MRTFB: variants seen among roughly 807,000 people sequenced by gnomAD.
The protein encoded by MRTFB is myocardin related transcription factor B, also known as myocardin-related transcription factor B.
Under a neutral mutation model 104.2 loss-of-function variants are expected in MRTFB, and 29 were observed. The observed-to-expected ratio is 0.28, with a 90% CI of 0.21 to 0.38. The LOEUF (loss-of-function observed/expected upper bound fraction) is 0.38. Among genes scored for constraint, MRTFB ranks in the 10% least tolerant of loss-of-function variants. MRTFB has a pLI of 1.00. For synonymous variants in MRTFB, 535 were observed against 519.5 expected (o/e 1.03, Z -0.41); for missense variants, 1,270 against 1,341.6 (o/e 0.95, Z 0.83).
At chr16:14,064,973 A>C in the MRTFB span, among the ~76,000 whole-genome samples, 3 of 152,248 alleles carry the variant, frequency 2.0e-5, no homozygotes, top group East Asian at 5.8e-4. Context: ...ATTTTAGAAT[A>C]GTTTTTTCTA....
chr16:14,203,867 CAT>C (rs1491361914), intron 3 of MRTFB, among the ~76,000 whole-genome samples: 1 of 140,636 alleles, frequency 7.1e-6, no homozygotes, highest in Non-Finnish European at 1.5e-5. Flanking sequence ...AGAGGAAAGA[CAT>C]ATCTTGGTTC....
At chr16:14,219,535 G>C (rs190594549) in intron 8 of MRTFB, among the ~76,000 whole-genome samples, 158 of 152,330 alleles carry the variant, frequency 1.0e-3, no homozygotes, top group Non-Finnish European at 1.4e-3. Context: ...CAAGTCAGCA[G>C]AAAATGTTCT....
chr16:14,156,818 CTG>C (rs1237802096), intron 3 of MRTFB, among the ~76,000 whole-genome samples: 3 of 152,090 alleles, frequency 2.0e-5, no homozygotes, highest in Admixed American at 2.0e-4. Context: ...CAACTAAAGA[CTG>C]TATTTTCCTT....
rs2041553640 is a variant in MRTFB, at chr16:14,218,895, C to T, written c.590C>T (p.Pro197Leu). 5 of 1,613,868 alleles carry T rather than the reference C, an allele frequency of 3.1e-6. No homozygotes were observed. Among genetic ancestry groups the T allele is most frequent in the East Asian group, 4.5e-5 (2 of 44,892 alleles). The change falls in exon 8 of 17, where the codon CCG becomes CTG. Residue 197 changes from proline (P) to leucine (L), a missense_variant. By Grantham distance (98) the Pro-to-Leu change is moderately conservative. Around this residue, in one of 3 missense-constraint regions of MRTFB, gnomAD observed 1,144 missense variants for 1,131.5 expected, o/e 1.01. Coordinates refer to ENST00000571589, the MANE Select transcript of MRTFB (RefSeq NM_001308142.2). ...FDEDSSDALSPDQPASQESQG... is the reference protein window; with the variant it reads ...FDEDSSDALSLDQPASQESQG... The stretch of plus-strand genomic sequence containing the variant: ...GAAGACAGCAGTGACGCTTTGTCTC[C>T]GGACCAGCCTGCGAGTCAGGAGTCA...
At chr16:14,061,683 T>C in the MRTFB span, among the ~76,000 whole-genome samples, 2 of 150,838 alleles carry the variant, frequency 1.3e-5, no homozygotes, top group South Asian at 4.2e-4. Context: ...ACTTACCAGA[T>C]GTGTGAGCTA....
chr16:14,217,749 CTTAT>C lies in MRTFB; in HGVS notation c.514+466_514+469del, dbSNP rs376829949. 5.4e-4 allele frequency among the ~76,000 whole-genome samples: 83 copies of C among 152,304 alleles called. 1 individual carries two copies. In the East Asian group the frequency reaches 0.013, roughly 25 times the overall value. ...TATTGAAATAATTTTCTAAGTTAAA[CTTAT>C]TTAGTTTAATATTTTTACTAACTTT... On this transcript the variant is annotated intron_variant, in intron 7 of 16. Coordinates refer to ENST00000571589, the MANE Select transcript of MRTFB (RefSeq NM_001308142.2).
intron 2 of MRTFB, among the ~76,000 whole-genome samples, chr16:14,103,861 A>G (rs551019382): frequency 2.6e-5 from 4 of 152,330 alleles, no homozygotes; most frequent in East Asian, 1.9e-4. Context: ...CTGTTTCTCT[A>G]TCTTTACTGT....
intron 8 of MRTFB, among the ~76,000 whole-genome samples, chr16:14,221,885 G>A (rs1251273152): frequency 6.7e-6 from 1 of 148,276 alleles, no homozygotes; most frequent in Non-Finnish European, 1.5e-5. Context: ...GGGTTCAAGC[G>A]ATTCTCCCGC....
rs1438402454 is a variant in MRTFB, at chr16:14,264,545, T to C, written c.*3101T>C. The C allele has an allele frequency of 1.3e-5, 2 of 152,226 alleles. No homozygotes were observed. The highest frequency in any genetic ancestry group is 2.9e-5 in the Non-Finnish European group (2 of 68,042). 9.4% of individuals were successfully genotyped at this position (152,226 alleles called of 1,614,324 possible). On this transcript the variant is annotated 3_prime_UTR_variant, in exon 17 of 17. Transcript: ENST00000571589. ...TAATTGTACATAGATGTATTCTGAA[T>C]TTGTGGAATTTCTTGCTTAGATACT...
intron 3 of MRTFB, among the ~76,000 whole-genome samples, chr16:14,178,044 A>G (rs2039645461): frequency 6.6e-6 from 1 of 152,020 alleles, no homozygotes; most frequent in South Asian, 2.1e-4. Context: ...GAGATTAGAA[A>G]AGAGGAGTGT....
chr16:14,017,078 A>G, the MRTFB span, among the ~76,000 whole-genome samples: 1 of 126,198 alleles, frequency 7.9e-6, no homozygotes, highest in Non-Finnish European at 1.6e-5. Context: ...TTTTTTTGAG[A>G]CGGAGTCTCG....
chr16:14,049,492 G>C, the MRTFB span, among the ~76,000 whole-genome samples: 3 of 152,186 alleles, frequency 2.0e-5, no homozygotes, highest in Admixed American at 6.5e-5. Flanking sequence ...AAAGACTGAG[G>C]AACTGTTCCA....
chr16:14,190,747 G>A (rs955008779), intron 3 of MRTFB, among the ~76,000 whole-genome samples: 1 of 152,228 alleles, frequency 6.6e-6, no homozygotes, highest in African/African-American at 2.4e-5. Flanking sequence ...ACGCAGTCCA[G>A]TGTGGGCAGG....
At chr16:14,071,939 G>C (rs1033839107) in intron 1 of MRTFB, among the ~76,000 whole-genome samples, 1 of 151,676 alleles carries the variant, frequency 6.6e-6, no homozygotes, top group East Asian at 1.9e-4. Context: ...AGTTTTTCCA[G>C]GGCTTTTGTC....
intron 2 of MRTFB, among the ~76,000 whole-genome samples, chr16:14,102,959 G>C (rs1164875480): frequency 2.0e-5 from 3 of 152,174 alleles, no homozygotes; most frequent in South Asian, 2.1e-4. Context: ...TTGGAGTAGA[G>C]AGACCATTTG....
At chr16:14,131,049 C>A (rs1272050759) in intron 2 of MRTFB, among the ~76,000 whole-genome samples, 1 of 152,102 alleles carries the variant, frequency 6.6e-6, no homozygotes, top group African/African-American at 2.4e-5. Context: ...CAAACCATAT[C>A]ATGTGCTATG....
chr16:14,099,105 T>A (rs948298658), intron 2 of MRTFB, among the ~76,000 whole-genome samples: 1 of 152,202 alleles, frequency 6.6e-6, no homozygotes, highest in African/African-American at 2.4e-5. Context: ...TTTCAAGTTA[T>A]ACAAAACAGC....
intron 2 of MRTFB, among the ~76,000 whole-genome samples, chr16:14,110,846 T>G (rs2036234352): frequency 6.6e-6 from 1 of 152,126 alleles, no homozygotes; most frequent in Non-Finnish European, 1.5e-5. Context: ...ATTCCCAGCG[T>G]GAATCCCTCC....
intron 3 of MRTFB, chr16:14,200,154 C>A: frequency 1.3e-6 from 1 of 747,808 alleles, no homozygotes; most frequent in Non-Finnish European, 2.1e-6. Context: ...GGTATATCAT[C>A]AAAGGATGCC....
Sources: allele counts gnomAD v4.1 joint callset (sites outside exome capture counted in the v4.1 genomes callset), GRCh38; gene constraint gnomAD v4.1.1; regional missense constraint gnomAD v4.1.1; transcripts MANE v1.5; gene names NCBI Gene and HGNC (gene_info 2026-07-23, HGNC 2026-07-21).